The following ESRP2 variants were observed in gnomAD, a reference collection of about 807,000 sequenced individuals.
ESRP2 encodes the protein RNA binding motif protein 35A.
Under a neutral mutation model 78.6 loss-of-function variants are expected in ESRP2, and 48 were observed. That is an observed-to-expected ratio of 0.61 (90% CI 0.48 to 0.78). The LOEUF is 0.78. ESRP2 is among the 30% of genes least tolerant of loss of function. ESRP2 has a pLI of 0.00. For synonymous variants in ESRP2, 383 were observed against 406.7 expected, an observed-to-expected ratio of 0.94 and a Z score of 0.70; for missense variants, 863 against 965.9, an observed-to-expected ratio of 0.89 and a Z score of 1.41.
rs1326244811 is a variant in ESRP2 at position 68,230,179 on chromosome 16, A to C, written c.*47T>G. 1 of 1,563,994 alleles carries C rather than the reference A, an allele frequency of 6.4e-7. No individual in the cohort carries two copies. Among genetic ancestry groups the C allele is most frequent in the African/African-American group, 1.4e-5 (1 of 73,830 alleles). Reference sequence around the variant, plus strand: ...CTGGTCTTCTGGACTCAGGAGAGACATGTTCGCCGAGGATATCAGCTGGCT... The same window carrying C: ...CTGGTCTTCTGGACTCAGGAGAGACCTGTTCGCCGAGGATATCAGCTGGCT... On this transcript the variant is annotated 3_prime_UTR_variant, in exon 15 of 15. Transcript: ENST00000473183.
intron 2 of ESRP2, 72 bp from the exon 3 acceptor site, chr16:68,234,179 G>A (rs2042189645): frequency 2.5e-6 from 3 of 1,191,594 alleles, no homozygotes; most frequent in Non-Finnish European, 3.6e-6. Context: ...AGGGTAGGAG[G>A]AAGGAGGCAG....
In ESRP2 at chr16:68,235,488, G is replaced by C. The variant is rs2042212485; in HGVS notation, c.327+146C>G. On this transcript the variant is annotated intron_variant, in intron 2 of 14. Transcript: ENST00000473183. This position sits in a 1 kb window ranked among gnomAD's most constrained non-coding sequence, Gnocchi z 5.5. Reference sequence around the variant, plus strand: ...GCGGATGAAAGGGGCACGCACACGCGAGAGTCGCTCAAAGTTTCAAACAAG... The same window carrying C: ...GCGGATGAAAGGGGCACGCACACGCCAGAGTCGCTCAAAGTTTCAAACAAG... The C allele has an allele frequency of 6.9e-7, 1 of 1,446,282 alleles. No homozygotes were observed. Among genetic ancestry groups the C allele is most frequent in the Non-Finnish European group, 9.0e-7 (1 of 1,105,112 alleles). The allele number at this position is 1,446,282 out of a possible 1,614,324, so 89.6% of individuals were successfully genotyped here. A position where few individuals can be genotyped will look rare whatever the true frequency, so the allele number is the denominator to read the frequency against.
Position 68,231,840 on chromosome 16 carries a change from T to C in ESRP2, c.1261A>G (p.Ile421Val), listed in dbSNP as rs1448991657. The C allele has an allele frequency of 4.3e-6, 7 of 1,613,614 alleles. No homozygotes were observed. The Admixed American group carries it at 1.2e-4, about 27-fold the overall frequency. Residue 421 changes from isoleucine (I) to valine (V), a missense_variant, in exon 10 of 15, where the codon ATT becomes GTT. Ile to Val is a conservative substitution (Grantham distance 29, BLOSUM62 3). Transcript: ENST00000473183. The surrounding 1 kb of genome is among the most constrained non-coding windows in gnomAD (Gnocchi z 6.0). ...GCTGCAGTGCTCCGGAAGAGTTCAA[T>C]GTATCGCTTACCCAGCATGCCCTTG... Reference protein sequence around the residue: ...RHKGMLGKRYIELFRSTAAEV... With the variant: ...RHKGMLGKRYVELFRSTAAEV...
Position 68,232,167 on chromosome 16 carries a change from A to T in ESRP2, c.998-64T>A. 6.2e-7 allele frequency: 1 copy of T among 1,612,736 alleles called. No homozygotes were observed. The highest frequency in any genetic ancestry group is 8.5e-7 in the Non-Finnish European group (1 of 1,179,214). ...CTCCAGACACTCACCCATGCAGGGG[A>T]GCAGGCAGGCAAGGGGTGGTGGGGA... is the stretch of plus-strand genomic sequence containing the variant. On this transcript the variant is annotated intron_variant, in intron 9 of 14. Coordinates refer to ENST00000473183, the MANE Select transcript of ESRP2 (RefSeq NM_024939.3). The surrounding 1 kb of genome is among the most constrained non-coding windows in gnomAD (Gnocchi z 5.2).
chr16:68,231,128 C>A lies in ESRP2; in HGVS notation c.1711+50G>T, dbSNP rs1598650160. ...CGCTATAGAAGGTAGGGGCTTACAA[C>A]AGCCTGGCTACCACAGGCCTCCTCC... On this transcript the variant is annotated intron_variant, in intron 12 of 14. Coordinates refer to ENST00000473183, the MANE Select transcript of ESRP2 (RefSeq NM_024939.3). This position sits in a 1 kb window ranked among gnomAD's most constrained non-coding sequence, Gnocchi z 6.0. 2 of 1,609,780 alleles carry A rather than the reference C, an allele frequency of 1.2e-6. No individual in the cohort carries two copies. The highest frequency in any genetic ancestry group is 3.3e-4 in the Middle Eastern group (2 of 6,054).
Position 68,232,586 on chromosome 16 carries a change from T to C in ESRP2, c.812A>G (p.Asn271Ser), listed in dbSNP as rs1244410963. 1 of 1,613,982 alleles carries C rather than the reference T, an allele frequency of 6.2e-7. No homozygotes were observed. Among genetic ancestry groups the C allele is most frequent in the East Asian group, 2.2e-5 (1 of 44,820 alleles). Residue 271 changes from asparagine to serine, a missense_variant, in exon 7 of 15, where the codon AAC (asparagine) becomes AGC (serine). Physicochemically the swap from Asn to Ser is conservative, Grantham distance 46. Coordinates refer to ENST00000473183, the MANE Select transcript of ESRP2 (RefSeq NM_024939.3). The surrounding 1 kb of genome is among the most constrained non-coding windows in gnomAD (Gnocchi z 5.2). The part of the protein sequence containing the change: ...QDVARFFKGL[N>S]VARGGVALCL... ...ACCCTGCCACACCCACCTGGCCACG[T>C]TGAGCCCTTTGAAGAAGCGAGCCAC...
chr16:68,233,665 G>A (rs949024955), intron 4 of ESRP2, 103 bp downstream of exon 4: 20 of 862,978 alleles, frequency 2.3e-5, no homozygotes, highest in Admixed American at 1.5e-4. Context: ...AGCAGATAAC[G>A]CAGTCTTGTA....
In ESRP2 at chr16:68,235,510, CAA is replaced by C. The variant is rs1355795044; in HGVS notation, c.327+122_327+123del. 6.8e-7 allele frequency: 1 copy of C among 1,463,998 alleles called. No individual in the cohort carries two copies. Among genetic ancestry groups the C allele is most frequent in the African/African-American group, 1.4e-5 (1 of 70,272 alleles). 90.7% of individuals were successfully genotyped at this position (1,463,998 alleles called of 1,614,324 possible). A position where few individuals can be genotyped will look rare whatever the true frequency, so the allele number is the denominator to read the frequency against. On this transcript the variant is annotated intron_variant, in intron 2 of 14. Transcript: ENST00000473183. The surrounding 1 kb of genome is among the most constrained non-coding windows in gnomAD (Gnocchi z 5.5). ...CGCGAGAGTCGCTCAAAGTTTCAAA[CAA>C]GAGCCCAGTCCTGCCGCCTGGACCG...
Position 68,232,392 on chromosome 16 carries a change from G to A in ESRP2, c.933C>T (p.His311=), listed in dbSNP as rs1172176432. 1 of 1,614,108 alleles carries A rather than the reference G, an allele frequency of 6.2e-7. No individual in the cohort carries two copies. Among genetic ancestry groups the A allele is most frequent in the South Asian group, 1.1e-5 (1 of 91,082 alleles). ...CCACCTCAATATAGCGGACGCCCAT[G>A]TGGTGCTTGTGTCTCTGCAGCGCTA... ...RDLALQRHKH[H]MGVRYIEVYK... Residue 311 remains histidine, a synonymous_variant, in exon 8 of 15, where the codon CAC becomes CAT. Coordinates refer to ENST00000473183, the MANE Select transcript of ESRP2 (RefSeq NM_024939.3). The surrounding 1 kb of genome is among the most constrained non-coding windows in gnomAD (Gnocchi z 5.2).
intron 2 of ESRP2, 51 bp from the exon 3 acceptor site, chr16:68,234,158 G>A (rs751198687): frequency 1.2e-5 from 17 of 1,408,492 alleles, no homozygotes; most frequent in Non-Finnish European, 1.7e-5. Context: ...CAGCTGGGCA[G>A]GCAGGAAGTG....
chr16:68,233,329 C>T lies in ESRP2; in HGVS notation c.653G>A (p.Ser218Asn), dbSNP rs764912546. ...AVILHLLKEP[S>N]SQLFSKPEVI... ...ACAGGCAGTGAGGGAAACCTTACTG[C>T]TGGGCTCTTTGAGTAGATGGAGGAT... The change falls in exon 5 of 15, where the codon AGC becomes AAC. Residue 218 changes from serine to asparagine, a missense_variant and splice_region_variant. Coordinates refer to ENST00000473183, the MANE Select transcript of ESRP2 (RefSeq NM_024939.3). 8 of 1,612,372 alleles carry T rather than the reference C, an allele frequency of 5.0e-6. No homozygotes were observed. The highest frequency in any genetic ancestry group is 1.6e-4 in the Middle Eastern group (1 of 6,074).
Position 68,230,252 on chromosome 16 carries a change from C to T in ESRP2, c.2128G>A (p.Ala710Thr), listed in dbSNP as rs377274422. The T allele has an allele frequency of 1.2e-6, 2 of 1,614,208 alleles. No individual in the cohort carries two copies. The highest frequency in any genetic ancestry group is 1.7e-6 in the Non-Finnish European group (2 of 1,180,032). Residue 710 changes from alanine to threonine, a missense_variant, in exon 15 of 15, where the codon GCC becomes ACC. Physicochemically the swap from Ala to Thr is moderately conservative, Grantham distance 58. Coordinates refer to ENST00000473183, the MANE Select transcript of ESRP2 (RefSeq NM_024939.3). ...TACAAACACACCCATTCCTTGGGGG[C>T]TTGTAACACAGTGCGAGGTGGGTCA... ...VGDPPRTVLQAPKEWVCL is the reference protein window; with the variant it reads ...VGDPPRTVLQTPKEWVCL
Position 68,229,946 on chromosome 16 carries a change from G to T in ESRP2, c.*280C>A. ...TGGGCCACAGCCAGGACAGACTTAA[G>T]GGCTCTCCAGGTGCCAGTCAAGATG... On this transcript the variant is annotated 3_prime_UTR_variant, in exon 15 of 15. Transcript: ENST00000473183. 1 of 503,542 alleles carries T rather than the reference G, an allele frequency of 2.0e-6. No homozygotes were observed. Among genetic ancestry groups the T allele is most frequent in the Non-Finnish European group, 3.6e-6 (1 of 276,740 alleles). 31.2% of individuals were successfully genotyped at this position (503,542 alleles called of 1,614,324 possible). A position where few individuals can be genotyped will look rare whatever the true frequency, so the allele number is the denominator to read the frequency against.
In ESRP2 at chr16:68,233,082, C is replaced by T; in HGVS notation, c.655+245G>A. 3 of 614,190 alleles carry T rather than the reference C, an allele frequency of 4.9e-6. No homozygotes were observed. The South Asian group carries it at 6.0e-5, about 12-fold the overall frequency. 38.0% of individuals were successfully genotyped at this position (614,190 alleles called of 1,614,324 possible). A position where few individuals can be genotyped will look rare whatever the true frequency, so the allele number is the denominator to read the frequency against. On this transcript the variant is annotated intron_variant, in intron 5 of 14. Transcript: ENST00000473183. ...GGCATGGTGGCAGGCGCCTATAATC[C>T]CAGCTACTCTGGAGGCTTAGACAGG...
intron 13 of ESRP2, 74 bp downstream of exon 13, chr16:68,230,767 A>C: frequency 6.3e-7 from 1 of 1,585,238 alleles, no homozygotes; most frequent in Non-Finnish European, 8.6e-7. Flanking sequence ...TATCTGGTCC[A>C]GAAAGGGGAT....
rs753621550 is a variant in ESRP2 at position 68,231,815 on chromosome 16, G to C, written c.1286C>G (p.Ala429Gly). The change falls in exon 10 of 15, where the codon GCC becomes GGC. Residue 429 changes from alanine (A) to glycine (G), a missense_variant. Ala to Gly is a moderately conservative substitution (Grantham distance 60). Transcript: ENST00000473183. The surrounding 1 kb of genome is among the most constrained non-coding windows in gnomAD (Gnocchi z 6.0). The stretch of plus-strand genomic sequence containing the variant: ...CTGGGCGCTCACCTGCTGCACTTCG[G>C]CTGCAGTGCTCCGGAAGAGTTCAAT... Reference protein sequence around the residue: ...RYIELFRSTAAEVQQVLNRYA... With the variant: ...RYIELFRSTAGEVQQVLNRYA... The C allele has an allele frequency of 6.2e-7, 1 of 1,608,044 alleles. No homozygotes were observed. Among genetic ancestry groups the C allele is most frequent in the Non-Finnish European group, 8.5e-7 (1 of 1,175,164 alleles).
At position 68,235,053 on chromosome 16, in the gene ESRP2, C is replaced by T. The variant is rs557155537; in HGVS notation, c.327+581G>A. Reference sequence around the variant, plus strand: ...AAACCACCTCCCACTTCAGCTAGGGCAGGAGGCACCCCAGGCCTTTGCACT... The same window carrying T: ...AAACCACCTCCCACTTCAGCTAGGGTAGGAGGCACCCCAGGCCTTTGCACT... On this transcript the variant is annotated intron_variant, in intron 2 of 14. Transcript: ENST00000473183. This position sits in a 1 kb window ranked among gnomAD's most constrained non-coding sequence, Gnocchi z 5.5. 5 of 895,012 alleles carry T rather than the reference C, an allele frequency of 5.6e-6. No homozygotes were observed. The highest frequency in any genetic ancestry group is 1.2e-4 in the East Asian group (1 of 8,370). The allele number at this position is 895,012 out of a possible 1,614,324, so 55.4% of individuals were successfully genotyped here. A position where few individuals can be genotyped will look rare whatever the true frequency, so the allele number is the denominator to read the frequency against.
Position 68,232,422 on chromosome 16 carries a change from C to G in ESRP2, c.903G>C (p.Arg301=), listed in dbSNP as rs1366699759. The G allele has an allele frequency of 5.0e-6, 8 of 1,613,990 alleles. No homozygotes were observed. Among genetic ancestry groups the G allele is most frequent in the African/African-American group, 1.3e-5 (1 of 74,906 alleles). The change falls in exon 8 of 15, where the codon CGG becomes CGC. Residue 301 remains arginine, a synonymous_variant. Coordinates refer to ENST00000473183, the MANE Select transcript of ESRP2 (RefSeq NM_024939.3). The surrounding 1 kb of genome is among the most constrained non-coding windows in gnomAD (Gnocchi z 5.2). ...ALIRFVDSEQ[R]DLALQRHKHH... is the part of the protein sequence containing the mutation. ...GCTTGTGTCTCTGCAGCGCTAGGTC[C>G]CGCTGCTCGCTGTCCACAAAGCGGA...
rs2042141479 is a variant in ESRP2 at position 68,231,623 on chromosome 16, T to C, written c.1371A>G (p.Pro457=). ...AGTCCCTCCCAGTCCCAGGTGCCAG[T>C]GGGAAGGGGATGGGCAGCAGTGGGG... The part of the protein sequence containing the change: ...LTAPLLPIPF[P]LAPGTGRDCV... The change falls in exon 11 of 15, where the codon CCA becomes CCG. Residue 457 remains proline (P), a synonymous_variant. Transcript: ENST00000473183. This position sits in a 1 kb window ranked among gnomAD's most constrained non-coding sequence, Gnocchi z 6.0. 2 of 1,613,184 alleles carry C rather than the reference T, an allele frequency of 1.2e-6. No individual in the cohort carries two copies. The highest frequency in any genetic ancestry group is 1.1e-5 in the South Asian group (1 of 91,034).
Sources: allele counts gnomAD v4.1 joint callset, GRCh38; gene constraint gnomAD v4.1.1; non-coding constraint Gnocchi (gnomAD v3.1); transcripts MANE v1.5; gene names NCBI Gene and HGNC (gene_info 2026-07-23, HGNC 2026-07-21).